Variants in NEMP2 observed in about 807,000 individuals in gnomAD.
The protein encoded by NEMP2 is UPF0571 transmembrane protein.
NEMP2 carries 53 observed loss-of-function variants against 54.2 expected under a neutral mutation model. The observed-to-expected ratio is 0.98, with a 90% CI of 0.78 to 1.23. The LOEUF (loss-of-function observed/expected upper bound fraction) is 1.23. Among genes scored for constraint, NEMP2 ranks in the 50% most tolerant of loss-of-function variants. NEMP2 has a pLI of 0.00. For synonymous variants in NEMP2, 197 were observed against 190.3 expected, an observed-to-expected ratio of 1.04 and a Z score of -0.29; for missense variants, 455 against 511.3, an observed-to-expected ratio of 0.89 and a Z score of 1.06.
chr2:190,488,835 CCTT>C, the NEMP2 span: 1 of 1,520,850 alleles, frequency 6.6e-7, no homozygotes, highest in Non-Finnish European at 8.8e-7. The surrounding 1 kb of genome is among the most constrained non-coding windows in gnomAD (Gnocchi z 6.4). Flanking sequence ...ATGGCTTTCT[CCTT>C]TTTTTTCTTT....
intron 7 of NEMP2, among the ~76,000 whole-genome samples, chr2:190,511,957 A>G (rs1031097088): frequency 1.3e-5 from 2 of 149,708 alleles, no homozygotes; most frequent in Non-Finnish European, 3.0e-5. Context: ...AATTATTAGG[A>G]TATATTTATA....
the NEMP2 span, among the ~76,000 whole-genome samples, chr2:190,570,563 T>C: frequency 6.6e-6 from 1 of 152,216 alleles, no homozygotes; most frequent in African/African-American, 2.4e-5. This position sits in a 1 kb window ranked among gnomAD's most constrained non-coding sequence, Gnocchi z 5.4. Flanking sequence ...GGAGCCAGAA[T>C]GTCCACACCC....
rs757903998 is a variant in NEMP2 at position 190,519,185 on chromosome 2, T to C, written c.214-2A>G. On this transcript the variant is annotated splice_acceptor_variant, in intron 2 of 8. Transcript: ENST00000409150. LOFTEE classifies it high-confidence loss of function. The surrounding 1 kb of genome is among the most constrained non-coding windows in gnomAD (Gnocchi z 5.4). Reference sequence around the variant, plus strand: ...CAGGCCTGGACTGGTAATTTTCACCTGTAAAACAAGAACAAGCAAATCCAT... The same window carrying C: ...CAGGCCTGGACTGGTAATTTTCACCCGTAAAACAAGAACAAGCAAATCCAT... 3.9e-6 allele frequency: 6 copies of C among 1,533,134 alleles called. No individual in the cohort carries two copies. In the South Asian group the frequency reaches 6.0e-5, roughly 15 times the overall value. 95.0% of individuals were successfully genotyped at this position (1,533,134 alleles called of 1,614,324 possible).
At position 190,529,225 on chromosome 2, in the gene NEMP2, AT is replaced by A. The variant is rs1304046284; in HGVS notation, c.98-3848del. Among the ~76,000 whole-genome samples the A allele has an allele frequency of 6.6e-6, 1 of 152,122 alleles. No individual in the cohort carries two copies. Among genetic ancestry groups the A allele is most frequent in the African/African-American group, 2.4e-5 (1 of 41,410 alleles). ...ACAAAAACATGAATGGGAACCCATC[AT>A]TTACCTGCTTAAAACCCTCCAATGG... On this transcript the variant is annotated intron_variant, in intron 1 of 8. Coordinates refer to ENST00000409150, the MANE Select transcript of NEMP2 (RefSeq NM_001142645.2). The surrounding 1 kb of genome is among the most constrained non-coding windows in gnomAD (Gnocchi z 4.7).
In NEMP2 at chr2:190,508,144, A is replaced by C. The variant is rs1468601048; in HGVS notation, c.*1045T>G. The C allele has an allele frequency of 6.6e-6, 1 of 152,358 alleles. No individual in the cohort carries two copies. The highest frequency in any genetic ancestry group is 1.5e-5 in the Non-Finnish European group (1 of 68,038). 9.4% of individuals were successfully genotyped at this position (152,358 alleles called of 1,614,324 possible). On this transcript the variant is annotated 3_prime_UTR_variant, in exon 9 of 9. Transcript: ENST00000409150. This position sits in a 1 kb window ranked among gnomAD's most constrained non-coding sequence, Gnocchi z 4.3. ...TTTTAAATGGATCAGTCAATTCAAA[A>C]TATCACAAGAGCTTAAGTGCCTTCA...
rs1263374693 is a variant in NEMP2, at chr2:190,514,688, T to C, written c.728-10A>G. The C allele has an allele frequency of 6.5e-7, 1 of 1,549,354 alleles. No individual in the cohort carries two copies. The highest frequency in any genetic ancestry group is 1.2e-5 in the South Asian group (1 of 84,012). On this transcript the variant is annotated splice_polypyrimidine_tract_variant and intron_variant, in intron 6 of 8. Coordinates refer to ENST00000409150, the MANE Select transcript of NEMP2 (RefSeq NM_001142645.2). The surrounding 1 kb of genome is among the most constrained non-coding windows in gnomAD (Gnocchi z 5.7). Reference sequence around the variant, plus strand: ...ACTATCAAGACATAGCCTGGAAAAGTGGAAGAGGTAAAATAATATAAATTT... The same window carrying C: ...ACTATCAAGACATAGCCTGGAAAAGCGGAAGAGGTAAAATAATATAAATTT...
At chr2:190,487,634 T>C in the NEMP2 span, among the ~76,000 whole-genome samples, 273 of 152,264 alleles carry the variant, frequency 1.8e-3, 1 homozygote, top group African/African-American at 6.3e-3. This position sits in a 1 kb window ranked among gnomAD's most constrained non-coding sequence, Gnocchi z 5.5. Flanking sequence ...AGATGGCCAA[T>C]AAACACCTAA....
At chr2:190,536,723 G>A (rs1465843632), upstream of NEMP2, among the ~76,000 whole-genome samples, 1 of 152,136 alleles carries the variant, frequency 6.6e-6, no homozygotes, top group Non-Finnish European at 1.5e-5. Context: ...GGGACACTGA[G>A]AAAAACTCCC....
the NEMP2 span, chr2:190,437,223 CGAT>C: frequency 6.2e-7 from 1 of 1,614,220 alleles, no homozygotes; most frequent in Non-Finnish European, 8.5e-7. This position sits in a 1 kb window ranked among gnomAD's most constrained non-coding sequence, Gnocchi z 5.9. Flanking sequence ...ATTTCAAAAA[CGAT>C]GATTCTAAAG....
At chr2:190,462,421 T>C in the NEMP2 span, among the ~76,000 whole-genome samples, 29,136 of 152,130 alleles carry the variant, frequency 0.19, 2,960 homozygotes, top group East Asian at 0.29. This position sits in a 1 kb window ranked among gnomAD's most constrained non-coding sequence, Gnocchi z 5.7. Flanking sequence ...TGTTGAGAAA[T>C]ACTGTTTTCA....
upstream of NEMP2, among the ~76,000 whole-genome samples, chr2:190,538,926 TTGAG>T (rs895340643): frequency 1.3e-5 from 2 of 152,238 alleles, no homozygotes; most frequent in Admixed American, 1.3e-4. This position sits in a 1 kb window ranked among gnomAD's most constrained non-coding sequence, Gnocchi z 4.1. Flanking sequence ...CTTCCGTTTG[TTGAG>T]TATTTCCTTT....
In NEMP2 at chr2:190,510,327, TA is replaced by T; in HGVS notation, c.1130+33del. On this transcript the variant is annotated intron_variant, in intron 8 of 8. Coordinates refer to ENST00000409150, the MANE Select transcript of NEMP2 (RefSeq NM_001142645.2). This position sits in a 1 kb window ranked among gnomAD's most constrained non-coding sequence, Gnocchi z 5.7. ...TATTATTTTTTAAATCATTCTGAACTAAACTATGGTCCGAGCAGCAGAGCGG... is the reference window on the plus strand; with the variant it reads ...TATTATTTTTTAAATCATTCTGAACTAACTATGGTCCGAGCAGCAGAGCGG... 6.5e-7 allele frequency: 1 copy of T among 1,549,902 alleles called. No individual in the cohort carries two copies. Among genetic ancestry groups the T allele is most frequent in the Non-Finnish European group, 8.7e-7 (1 of 1,145,652 alleles).
At chr2:190,450,360 GAAGTAAC>G in the NEMP2 span, among the ~76,000 whole-genome samples, 3 of 151,826 alleles carry the variant, frequency 2.0e-5, no homozygotes, top group African/African-American at 4.8e-5. Flanking sequence ...CCAACTTGAA[GAAGTAAC>G]AATTCCATTC....
chr2:190,571,280 C>T, the NEMP2 span, among the ~76,000 whole-genome samples: 3 of 152,136 alleles, frequency 2.0e-5, no homozygotes, highest in Admixed American at 6.5e-5. Context: ...CGGTGGCTCA[C>T]GCCTGTAATC....
the NEMP2 span, chr2:190,436,734 C>G: frequency 6.2e-7 from 1 of 1,614,200 alleles, no homozygotes; most frequent in Non-Finnish European, 8.5e-7. The surrounding 1 kb of genome is among the most constrained non-coding windows in gnomAD (Gnocchi z 5.3). Context: ...AAATTACTAA[C>G]CGTATGATGG....
the NEMP2 span, among the ~76,000 whole-genome samples, chr2:190,636,039 A>AT: frequency 6.6e-6 from 1 of 152,030 alleles, no homozygotes; most frequent in Admixed American, 6.6e-5. Flanking sequence ...TTAAGTTTTT[A>AT]TTTTTTGTAG....
the NEMP2 span, among the ~76,000 whole-genome samples, chr2:190,547,029 C>G: frequency 2.0e-5 from 3 of 152,208 alleles, no homozygotes; most frequent in African/African-American, 7.2e-5. The surrounding 1 kb of genome is among the most constrained non-coding windows in gnomAD (Gnocchi z 6.2). Flanking sequence ...ATAGGGAGGA[C>G]TATCTCCCTT....
the NEMP2 span, among the ~76,000 whole-genome samples, chr2:190,441,243 C>T: frequency 1.3e-5 from 2 of 152,056 alleles, no homozygotes; most frequent in South Asian, 4.2e-4. Context: ...AGGGTCTGTT[C>T]TCGTGTCTTC....
At chr2:190,440,556 T>C in the NEMP2 span, among the ~76,000 whole-genome samples, 1 of 152,244 alleles carries the variant, frequency 6.6e-6, no homozygotes, top group Non-Finnish European at 1.5e-5. Flanking sequence ...TTAGCAGCTA[T>C]GAGTAGGATT....
Sources: gnomAD v4.1 joint callset for allele counts (sites outside exome capture counted in the v4.1 genomes callset) on GRCh38, gnomAD v4.1.1 for gene constraint, Gnocchi (gnomAD v3.1) non-coding constraint, MANE v1.5 for transcripts, NCBI Gene and HGNC (gene_info 2026-07-23, HGNC 2026-07-21) for gene names.